OR13A1: variants seen among roughly 807,000 people sequenced by gnomAD.
OR13A1 encodes olfactory receptor family 13 subfamily A member 1.
A neutral mutation model predicts 7.5 loss-of-function variants in OR13A1; 10 were observed. That is an observed-to-expected ratio of 1.34 (90% CI 0.83 to 2.27). The LOEUF is 2.27. Ranked by LOEUF, OR13A1 falls within the 30% of genes most tolerant of loss-of-function variation. The pLI is 0.00. For missense variants in OR13A1, 509 were observed against 419.1 expected (o/e 1.21, Z -1.87); for synonymous variants, 238 against 177.9 (o/e 1.34, Z -2.69).
chr10:45,311,331 C>T (rs1423388890), intron 1 of OR13A1, among the ~76,000 whole-genome samples: 1 of 152,180 alleles, frequency 6.6e-6, no homozygotes, highest in Non-Finnish European at 1.5e-5. Context: ...TGTATCAGAG[C>T]TCCTCAACTT....
intron 1 of OR13A1, among the ~76,000 whole-genome samples, chr10:45,313,525 C>A (rs906067004): frequency 6.6e-6 from 1 of 151,634 alleles, no homozygotes; most frequent in African/African-American, 2.4e-5. Flanking sequence ...CAACTTTATC[C>A]TGTCATTTAG....
Position 45,303,123 on chromosome 10 carries a change from T to C in OR13A1, c.*313A>G, listed in dbSNP as rs536661716. The C allele has an allele frequency of 5.5e-5, 15 of 273,994 alleles. No individual in the cohort carries two copies. The highest frequency in any genetic ancestry group is 1.5e-4 in the African/African-American group (7 of 45,538). The allele number at this position is 273,994 out of a possible 1,614,324, so 17.0% of individuals were successfully genotyped here. On this transcript the variant is annotated 3_prime_UTR_variant, in exon 4 of 4. Coordinates refer to ENST00000553795, the MANE Select transcript of OR13A1 (RefSeq NM_001004297.3). ...GAGTGTTGTACATACAAAAGGAAAA[T>C]GTTTGATGTGGCTATGAGTTGAAAA...
At chr10:45,308,646 GAGT>G (rs1459200887) in intron 1 of OR13A1, 1 of 152,132 alleles carries the variant, frequency 6.6e-6, no homozygotes, top group Non-Finnish European at 1.5e-5. Context: ...ACAGAGTTAT[GAGT>G]AGAACTTTTC....
At position 45,304,446 on chromosome 10, in the gene OR13A1, A is replaced by C. The variant is rs755788973; in HGVS notation, c.-12-12T>G. ...ATGTGATTTCAGAGCTAGAGAGATA[A>C]ACAAGAGGTGTCCTGAGGAAGGCTG... is the stretch of plus-strand genomic sequence containing the variant. On this transcript the variant is annotated splice_polypyrimidine_tract_variant and intron_variant, in intron 3 of 3. Transcript: ENST00000553795. 9 of 1,594,936 alleles carry C rather than the reference A, an allele frequency of 5.6e-6. No individual in the cohort carries two copies. The highest frequency in any genetic ancestry group is 7.7e-6 in the Non-Finnish European group (9 of 1,170,354).
intron 1 of OR13A1, among the ~76,000 whole-genome samples, chr10:45,311,124 T>G (rs1178014667): frequency 6.6e-6 from 1 of 152,220 alleles, no homozygotes; most frequent in African/African-American, 2.4e-5. Flanking sequence ...GCAATACCAC[T>G]GCTCAATTTT....
chr10:45,308,136 G>A (rs1451535831), intron 1 of OR13A1, among the ~76,000 whole-genome samples: 4 of 152,124 alleles, frequency 2.6e-5, no homozygotes. Context: ...ATGAAGGTAG[G>A]CATTTCTATT....
intron 1 of OR13A1, among the ~76,000 whole-genome samples, chr10:45,309,954 C>A (rs1838409547): frequency 6.6e-6 from 1 of 152,112 alleles, no homozygotes. Context: ...ATAATTATAC[C>A]TACCTTCAGA....
chr10:45,304,595 A>G, intron 3 of OR13A1, 161 bp from the exon 4 acceptor site: 1 of 608,576 alleles, frequency 1.6e-6, no homozygotes. Context: ...AGTTTATAAA[A>G]AATAAATACA....
chr10:45,312,833 C>T (rs947845316), intron 1 of OR13A1, among the ~76,000 whole-genome samples: 5 of 152,076 alleles, frequency 3.3e-5, no homozygotes, highest in Admixed American at 2.0e-4. Flanking sequence ...AACCATCCTT[C>T]AAACATAAAG....
At chr10:45,309,965 A>AT (rs1316650615) in intron 1 of OR13A1, among the ~76,000 whole-genome samples, 2 of 152,208 alleles carry the variant, frequency 1.3e-5, no homozygotes, top group Non-Finnish European at 2.9e-5. Context: ...TACCTTCAGA[A>AT]TTTTTGCGGG....
At chr10:45,312,409 C>T (rs1028415997) in intron 1 of OR13A1, among the ~76,000 whole-genome samples, 1 of 151,774 alleles carries the variant, frequency 6.6e-6, no homozygotes, top group Non-Finnish European at 1.5e-5. Context: ...AGTTTCTATA[C>T]AATCAGTACA....
chr10:45,312,969 A>G (rs1008572889), intron 1 of OR13A1, among the ~76,000 whole-genome samples: 1 of 152,094 alleles, frequency 6.6e-6, no homozygotes, highest in African/African-American at 2.4e-5. Flanking sequence ...GAAAATATAA[A>G]GCTCTCCAGT....
chr10:45,310,895 C>A (rs1365241086), intron 1 of OR13A1, among the ~76,000 whole-genome samples: 2 of 152,148 alleles, frequency 1.3e-5, no homozygotes, highest in Non-Finnish European at 2.9e-5. Context: ...AATATCCTTA[C>A]AAGGTATCCA....
intron 1 of OR13A1, among the ~76,000 whole-genome samples, chr10:45,310,509 C>T (rs1838423161): frequency 6.6e-6 from 1 of 152,172 alleles, no homozygotes; most frequent in Non-Finnish European, 1.5e-5. Context: ...GTGCACATAA[C>T]TTCTGCTCAT....
intron 3 of OR13A1, among the ~76,000 whole-genome samples, chr10:45,304,668 T>C (rs11239432): frequency 0.19 from 28,392 of 152,154 alleles, 4,041 homozygotes; most frequent in African/African-American, 0.39. Context: ...AAATCCATGA[T>C]CTAGTCTTCA....
At chr10:45,311,805 G>A (rs1264817622) in intron 1 of OR13A1, among the ~76,000 whole-genome samples, 1 of 152,006 alleles carries the variant, frequency 6.6e-6, no homozygotes, top group Non-Finnish European at 1.5e-5. Context: ...TAACAAACCT[G>A]CACATGTACC....
chr10:45,313,681 A>G (rs1375815842), intron 1 of OR13A1, among the ~76,000 whole-genome samples: 1 of 152,196 alleles, frequency 6.6e-6, no homozygotes, highest in Non-Finnish European at 1.5e-5. Context: ...AAAAATGGAT[A>G]TTATATAACA....
At chr10:45,302,381 G>A (rs2133031001), downstream of OR13A1, 1 of 152,280 alleles carries the variant, frequency 6.6e-6, no homozygotes, top group South Asian at 2.1e-4. Context: ...ACTTAGAAGA[G>A]ATTAAACTGT....
In OR13A1 at chr10:45,303,668, C is replaced by A; in HGVS notation, c.755G>T (p.Arg252Met). 6.2e-7 allele frequency: 1 copy of A among 1,614,164 alleles called. No homozygotes were observed. Among genetic ancestry groups the A allele is most frequent in the Non-Finnish European group, 8.5e-7 (1 of 1,180,024 alleles). The change falls in exon 4 of 4, where the codon AGG becomes ATG. Residue 252 changes from arginine (R) to methionine (M), a missense_variant. Coordinates refer to ENST00000553795, the MANE Select transcript of OR13A1 (RefSeq NM_001004297.3). ...SILKVKTAWG[R>M]QKAFSTCSSH... ...AGAGCAGGTGGAGAAGGCTTTCTGC[C>A]TCCCCCAGGCAGTCTTCACCTTCAG...
Sources: gnomAD v4.1 joint callset for allele counts (sites outside exome capture counted in the v4.1 genomes callset) on GRCh38, gnomAD v4.1.1 for gene constraint, MANE v1.5 for transcripts, NCBI Gene and HGNC (gene_info 2026-07-23, HGNC 2026-07-21) for gene names.